CNTNAP2: variants seen among roughly 807,000 people sequenced by gnomAD.
The protein encoded by CNTNAP2 is contactin associated protein 2, also known as contactin-associated protein-like 2.
A neutral mutation model predicts 155.2 loss-of-function variants in CNTNAP2; 98 were observed. That is an observed-to-expected ratio of 0.63 (90% confidence interval 0.54 to 0.75). The LOEUF is 0.75. Ranked by LOEUF, CNTNAP2 falls within the 30% of genes least tolerant of loss-of-function variation. The probability of loss-of-function intolerance (pLI) is 0.00; values close to 1 mark genes in which losing one functional copy is unlikely to be tolerated. For synonymous variants in CNTNAP2, 651 were observed against 631.2 expected (o/e 1.03, Z -0.47); for missense variants, 1,727 against 1,688.1 (o/e 1.02, Z -0.40).
intron 14 of CNTNAP2, among the ~76,000 whole-genome samples, chr7:147,972,597 A>G (rs1038684514): frequency 5.3e-5 from 8 of 152,214 alleles, no homozygotes; most frequent in African/African-American, 1.9e-4. Context: ...AACAAAATCC[A>G]TAGAATCAAG....
rs1367887256 is a variant in CNTNAP2, at chr7:146,908,586, A to T, written c.402+68682A>T. Among the ~76,000 whole-genome samples, 5 of 130,982 alleles carry T rather than the reference A, an allele frequency of 3.8e-5. No individual in the cohort carries two copies. The Admixed American group carries it at 3.9e-4, about 10-fold the overall frequency. The allele number at this position is 130,982 out of a possible 152,430, so 85.9% of individuals were successfully genotyped here. A position where few individuals can be genotyped will look rare whatever the true frequency, so the allele number is the denominator to read the frequency against. Reference sequence around the variant, plus strand: ...TAACGAAATGAAGGCAGAAATAAAGATGTTCTTTGAAACCAATGAGAACAA... The same window carrying T: ...TAACGAAATGAAGGCAGAAATAAAGTTGTTCTTTGAAACCAATGAGAACAA... On this transcript the variant is annotated intron_variant, in intron 3 of 23. Transcript: ENST00000361727.
chr7:147,038,667 T>A (rs1799204109), intron 3 of CNTNAP2, among the ~76,000 whole-genome samples: 1 of 152,190 alleles, frequency 6.6e-6, no homozygotes, highest in Admixed American at 6.5e-5. Flanking sequence ...GTCCTGCTGT[T>A]CTTCCACACC....
At chr7:147,949,521 G>T (rs1380181612) in intron 14 of CNTNAP2, among the ~76,000 whole-genome samples, 3 of 150,078 alleles carry the variant, frequency 2.0e-5, no homozygotes, top group Non-Finnish European at 4.4e-5. Context: ...ATCCTGACTG[G>T]CTCAAGATGT....
chr7:147,805,076 T>C (rs1030508761), intron 13 of CNTNAP2, among the ~76,000 whole-genome samples: 1 of 94,530 alleles, frequency 1.1e-5, no homozygotes, highest in Admixed American at 9.0e-5. Context: ...TTCAATATCA[T>C]TTTTTTTTTT....
At chr7:148,156,948 T>A (rs961045017) in intron 17 of CNTNAP2, among the ~76,000 whole-genome samples, 3 of 152,100 alleles carry the variant, frequency 2.0e-5, no homozygotes, top group African/African-American at 7.2e-5. Context: ...GAGAATAGGG[T>A]CTGGAGGCAG....
At chr7:147,210,403 G>A (rs1803122490) in intron 8 of CNTNAP2, among the ~76,000 whole-genome samples, 1 of 151,940 alleles carries the variant, frequency 6.6e-6, no homozygotes, top group Non-Finnish European at 1.5e-5. Context: ...AACAGTCTGT[G>A]AGGATCTTTT....
At chr7:147,611,126 C>T (rs191850144) in intron 12 of CNTNAP2, among the ~76,000 whole-genome samples, 12 of 152,020 alleles carry the variant, frequency 7.9e-5, no homozygotes, top group African/African-American at 1.9e-4. Context: ...GCAAGCAATA[C>T]GTTATGAAGT....
At chr7:148,331,734 G>GGAATGGTCAGATGGAGTGGATGGATA (rs1563045980) in intron 21 of CNTNAP2, among the ~76,000 whole-genome samples, 4 of 16,378 alleles carry the variant, frequency 2.4e-4, no homozygotes, top group African/African-American at 4.0e-4. Context: ...TTGGATGGAT[G>GGAATGGTCAGATGGAGTGGATGGATA]GAGTGGATGG....
chr7:148,142,019 G>A (rs923698082), intron 16 of CNTNAP2, among the ~76,000 whole-genome samples: 1 of 151,938 alleles, frequency 6.6e-6, no homozygotes, highest in Non-Finnish European at 1.5e-5. Context: ...AAATGAAATG[G>A]TAACTTTTGG....
intron 14 of CNTNAP2, among the ~76,000 whole-genome samples, chr7:147,912,011 A>G (rs1800075853): frequency 6.6e-6 from 1 of 152,210 alleles, no homozygotes; most frequent in South Asian, 2.1e-4. Flanking sequence ...TATTAAAAGT[A>G]TTCATTATGA....
At chr7:146,255,775 T>C (rs1473438258) in intron 1 of CNTNAP2, among the ~76,000 whole-genome samples, 4 of 152,076 alleles carry the variant, frequency 2.6e-5, no homozygotes, top group African/African-American at 9.7e-5. Flanking sequence ...ATAGTTGGCA[T>C]TTGTAGCTGG....
At chr7:147,504,364 C>A (rs143256722) in intron 11 of CNTNAP2, among the ~76,000 whole-genome samples, 349 of 152,170 alleles carry the variant, frequency 2.3e-3, no homozygotes, top group Non-Finnish European at 4.0e-3. Flanking sequence ...ATTCTAGCTA[C>A]CTCATTTTAT....
intron 13 of CNTNAP2, among the ~76,000 whole-genome samples, chr7:147,702,999 G>C (rs1370024740): frequency 6.6e-6 from 1 of 151,826 alleles, no homozygotes; most frequent in South Asian, 2.1e-4. Flanking sequence ...AGGATCACTT[G>C]TTATTTACAT....
intron 1 of CNTNAP2, among the ~76,000 whole-genome samples, chr7:146,269,055 G>T (rs144206285): frequency 6.6e-6 from 1 of 152,120 alleles, no homozygotes; most frequent in South Asian, 2.1e-4. Flanking sequence ...GGACATAAGA[G>T]GGTGGGCCAG....
intron 1 of CNTNAP2, among the ~76,000 whole-genome samples, chr7:146,444,517 A>C (rs1724477): frequency 0.036 from 5,413 of 152,196 alleles, 343 homozygotes; most frequent in African/African-American, 0.12. Context: ...GGACCAAAGT[A>C]ATGGATGAGC....
intron 1 of CNTNAP2, among the ~76,000 whole-genome samples, chr7:146,520,313 CATATATATAT>C (rs59563196): frequency 2.8e-5 from 4 of 140,826 alleles, no homozygotes; most frequent in Non-Finnish European, 6.2e-5. Context: ...TAGATATATT[CATATATATAT>C]ATATATATAT....
chr7:147,443,028 T>C (rs1012965591), intron 10 of CNTNAP2, among the ~76,000 whole-genome samples: 4 of 151,938 alleles, frequency 2.6e-5, no homozygotes, highest in Non-Finnish European at 5.9e-5. Flanking sequence ...TCTCAGGAGG[T>C]TGTGTGCCCC....
intron 3 of CNTNAP2, among the ~76,000 whole-genome samples, chr7:146,850,817 C>G (rs1032912301): frequency 3.3e-5 from 5 of 151,944 alleles, no homozygotes; most frequent in African/African-American, 1.2e-4. Flanking sequence ...ACTAATCAAA[C>G]AGTGGAGCTA....
intron 13 of CNTNAP2, among the ~76,000 whole-genome samples, chr7:147,861,695 A>G (rs1409909890): frequency 6.6e-6 from 1 of 152,182 alleles, no homozygotes; most frequent in Non-Finnish European, 1.5e-5. Flanking sequence ...TAAAGGGCCC[A>G]AAATAAATAT....
Sources: gnomAD v4.1 joint callset for allele counts (sites outside exome capture counted in the v4.1 genomes callset) on GRCh38, gnomAD v4.1.1 for gene constraint, MANE v1.5 for transcripts, NCBI Gene and HGNC (gene_info 2026-07-23, HGNC 2026-07-21) for gene names.